Variants in SLC30A8 observed in about 807,000 individuals in gnomAD.
SLC30A8 encodes solute carrier family 30 member 8, also known as proton-coupled zinc antiporter SLC30A8.
A neutral mutation model predicts 36.9 loss-of-function variants in SLC30A8; 27 were observed. The observed-to-expected ratio is 0.73, with a 90% CI of 0.54 to 1.01. SLC30A8 has a LOEUF of 1.01. Among genes scored for constraint, SLC30A8 ranks in the 50% least tolerant of loss-of-function variants. The pLI, the probability that SLC30A8 is intolerant of heterozygous loss-of-function variation, is 0.00. For missense variants in SLC30A8, 439 were observed against 452.0 expected, an observed-to-expected ratio of 0.97 and a Z score of 0.26; for synonymous variants, 164 against 172.4, an observed-to-expected ratio of 0.95 and a Z score of 0.38.
Position 117,008,686 on chromosome 8 carries a change from A to G in SLC30A8, c.-265-30533A>G, listed in dbSNP as rs1162192937. Among the ~76,000 whole-genome samples, 4 of 152,322 alleles carry G rather than the reference A, an allele frequency of 2.6e-5. No individual in the cohort carries two copies. The East Asian group carries it at 7.7e-4, about 29-fold the overall frequency. ...TGGTGGCCATTCTACAATAAAGTAC[A>G]TGAGAACTATATCTATCTGTTGGGA... is the stretch of plus-strand genomic sequence containing the variant. On this transcript the variant is annotated intron_variant, in intron 1 of 10. Transcript: ENST00000427715.
At chr8:117,012,316 A>G (rs1816369620) in intron 1 of SLC30A8, among the ~76,000 whole-genome samples, 1 of 151,928 alleles carries the variant, frequency 6.6e-6, no homozygotes, top group Non-Finnish European at 1.5e-5. Context: ...TGCCATTTTA[A>G]TGATAGCTAA....
intron 2 of SLC30A8, among the ~76,000 whole-genome samples, chr8:117,067,009 G>T (rs1396145305): frequency 3.3e-5 from 5 of 152,138 alleles, no homozygotes; most frequent in Non-Finnish European, 2.9e-5. Flanking sequence ...GGCTGGGGAG[G>T]TCTCAAGAAA....
chr8:117,039,032 A>G (rs1411695225), intron 1 of SLC30A8, among the ~76,000 whole-genome samples: 3 of 151,992 alleles, frequency 2.0e-5, no homozygotes, highest in African/African-American at 7.2e-5. Flanking sequence ...GTGATGCAGA[A>G]ATACTCGTGG....
At chr8:116,962,995 A>G (rs1165724237) in intron 1 of SLC30A8, among the ~76,000 whole-genome samples, 1 of 151,912 alleles carries the variant, frequency 6.6e-6, no homozygotes, top group African/African-American at 2.4e-5. Context: ...CAGCAAAGTT[A>G]TGATGTGACC....
At chr8:117,137,334 A>G (rs532622156) in intron 1 of SLC30A8, among the ~76,000 whole-genome samples, 1 of 151,624 alleles carries the variant, frequency 6.6e-6, no homozygotes, top group African/African-American at 2.4e-5. Context: ...TTTTCTTTCT[A>G]CTTTCTATTA....
At chr8:117,152,334 T>C (rs1164084381) in intron 2 of SLC30A8, among the ~76,000 whole-genome samples, 1 of 152,170 alleles carries the variant, frequency 6.6e-6, no homozygotes, top group African/African-American at 2.4e-5. Flanking sequence ...AGGACTCTCA[T>C]GGCTTACATT....
intron 2 of SLC30A8, among the ~76,000 whole-genome samples, chr8:117,046,555 A>C (rs1011823902): frequency 2.6e-5 from 4 of 152,210 alleles, no homozygotes; most frequent in Admixed American, 2.0e-4. Context: ...TAAATAAGTA[A>C]ATAAGGCAAG....
chr8:116,992,453 A>T (rs1332713354), intron 1 of SLC30A8, among the ~76,000 whole-genome samples: 1 of 152,268 alleles, frequency 6.6e-6, no homozygotes, highest in South Asian at 2.1e-4. Context: ...CTAAATTGTC[A>T]TGGGTTTTGT....
At chr8:116,996,303 T>C (rs537233440) in intron 1 of SLC30A8, among the ~76,000 whole-genome samples, 29 of 152,222 alleles carry the variant, frequency 1.9e-4, no homozygotes, top group Non-Finnish European at 3.4e-4. Flanking sequence ...CTCAGTGCTT[T>C]GGGCTTTCAG....
At position 117,174,999 on chromosome 8, in the gene SLC30A8, C is replaced by G. The variant is rs567741103; in HGVS notation, c.*2318C>G. 1 of 152,220 alleles carries G rather than the reference C, an allele frequency of 6.6e-6. No homozygotes were observed. The highest frequency in any genetic ancestry group is 1.5e-5 in the Non-Finnish European group (1 of 68,002). 9.4% of individuals were successfully genotyped at this position (152,220 alleles called of 1,614,324 possible). ...TTCTGACTCTCCCATTACCCTTTCC[C>G]TGGTGTGGTCAGAACTCCAGGTCAC... On this transcript the variant is annotated 3_prime_UTR_variant, in exon 8 of 8. Transcript: ENST00000456015.
intron 5 of SLC30A8, among the ~76,000 whole-genome samples, chr8:117,163,121 T>C (rs1279754337): frequency 6.6e-6 from 1 of 152,270 alleles, no homozygotes; most frequent in Admixed American, 6.5e-5. Context: ...CTTTTATTAA[T>C]CTGCAAGAAG....
intron 1 of SLC30A8, among the ~76,000 whole-genome samples, chr8:117,007,951 A>G (rs1379146084): frequency 6.6e-6 from 1 of 152,256 alleles, no homozygotes; most frequent in East Asian, 1.9e-4. Context: ...AGGAGAGACA[A>G]AAGAAAATGT....
At chr8:116,957,569 C>T (rs958381894) in intron 1 of SLC30A8, among the ~76,000 whole-genome samples, 2 of 152,180 alleles carry the variant, frequency 1.3e-5, no homozygotes, top group African/African-American at 4.8e-5. Flanking sequence ...CCATGCCCTG[C>T]CTAGACAGCA....
chr8:117,055,149 T>C (rs1817832342), intron 2 of SLC30A8, among the ~76,000 whole-genome samples: 1 of 152,188 alleles, frequency 6.6e-6, no homozygotes, highest in African/African-American at 2.4e-5. Context: ...CCAGTCCCTC[T>C]CCAGGGAGCA....
intron 1 of SLC30A8, among the ~76,000 whole-genome samples, chr8:116,970,243 C>T (rs1814747795): frequency 2.0e-5 from 3 of 152,094 alleles, no homozygotes; most frequent in Admixed American, 2.0e-4. Context: ...TCTTCCACTC[C>T]CACATCTTGT....
intron 1 of SLC30A8, 37 bp from the exon 2 acceptor site, chr8:117,146,917 T>C (rs770275610): frequency 6.2e-6 from 10 of 1,611,384 alleles, no homozygotes; most frequent in South Asian, 2.2e-5. Context: ...TGTTTGCAAC[T>C]ATGTTCACTT....
chr8:117,136,443 C>T (rs1309714235), intron 1 of SLC30A8, among the ~76,000 whole-genome samples: 3 of 151,814 alleles, frequency 2.0e-5, no homozygotes, highest in African/African-American at 4.8e-5. Flanking sequence ...ATTAATAATA[C>T]GTGTAATGTT....
chr8:117,097,921 A>AAT (rs1318948320), intron 2 of SLC30A8, among the ~76,000 whole-genome samples: 5 of 102,158 alleles, frequency 4.9e-5, no homozygotes, highest in Non-Finnish European at 8.7e-5. Context: ...ATTTTAAATA[A>AAT]ATATATATAT....
rs151316858 is a variant in SLC30A8, at chr8:117,116,527, A to G, written c.-225-18753A>G. On this transcript the variant is annotated intron_variant, in intron 2 of 10. Coordinates refer to the SLC30A8 transcript ENST00000427715. ...TCTTAGCTGTAAGTGTACTCTTTCT[A>G]TTCTGCTCCAAAAAACATATCAGAA... is the stretch of plus-strand genomic sequence containing the variant. Among the ~76,000 whole-genome samples the G allele has an allele frequency of 5.1e-3, 773 of 152,148 alleles. 6 individuals are homozygous for G. Among genetic ancestry groups the G allele is most frequent in the African/African-American group, 0.018 (744 of 41,550 alleles).
Sources: gnomAD v4.1 joint callset for allele counts (sites outside exome capture counted in the v4.1 genomes callset) on GRCh38, gnomAD v4.1.1 for gene constraint, MANE v1.5 for transcripts, NCBI Gene and HGNC (gene_info 2026-07-23, HGNC 2026-07-21) for gene names.